The following RPL28 variants were observed in gnomAD, a reference collection of about 807,000 sequenced individuals.
RPL28 encodes ribosomal protein L28, also known as large ribosomal subunit protein eL28.
RPL28 carries 4 observed loss-of-function variants against 12.5 expected under a neutral mutation model. That is an observed-to-expected ratio of 0.32 (90% CI 0.16 to 0.73). RPL28 has a LOEUF of 0.73. Ranked by LOEUF, RPL28 falls within the 30% of genes least tolerant of loss-of-function variation. The probability of loss-of-function intolerance (pLI) is 0.66; values close to 1 mark genes in which losing one functional copy is unlikely to be tolerated. For synonymous variants in RPL28, 91 were observed against 72.5 expected (o/e 1.26, Z -1.30); for missense variants, 214 against 197.7 (o/e 1.08, Z -0.49).
downstream of RPL28, chr19:55,392,125 C>T: frequency 1.0e-6 from 1 of 989,022 alleles, no homozygotes; most frequent in Non-Finnish European, 1.2e-6. Context: ...TGAAAAACTG[C>T]AAATGAAAGA....
chr19:55,387,653 T>C, intron 3 of RPL28: 1 of 1,388,916 alleles, frequency 7.2e-7, no homozygotes. Context: ...AGATCCTAAC[T>C]GAAGCGGCAG....
In RPL28 at chr19:55,391,828, G is replaced by T; in HGVS notation, c.*3496G>T. The T allele has an allele frequency of 1.4e-6, 2 of 1,401,630 alleles. No homozygotes were observed. The highest frequency in any genetic ancestry group is 3.3e-5 in the South Asian group (2 of 61,400). The allele number at this position is 1,401,630 out of a possible 1,614,324, so 86.8% of individuals were successfully genotyped here. On this transcript the variant is annotated 3_prime_UTR_variant, in exon 5 of 5. Coordinates refer to ENST00000344063, the MANE Select transcript of RPL28 (RefSeq NM_000991.5). ...GTCTTCACATGCCTATGACTAATTT[G>T]TACACAAACTAATGCTCGTGTTTCC...
At chr19:55,386,965 A>G in intron 3 of RPL28, 1 of 1,446,724 alleles carries the variant, frequency 6.9e-7, no homozygotes, top group Non-Finnish European at 9.1e-7. Context: ...CACGGGGTTG[A>G]TGTTTTCAGA....
chr19:55,389,191 A>G lies in RPL28; in HGVS notation c.*859A>G, dbSNP rs768828890. The G allele has an allele frequency of 2.3e-4, 225 of 966,538 alleles. 1 individual carries two copies. Among genetic ancestry groups the G allele is most frequent in the Middle Eastern group, 1.1e-3 (2 of 1,880 alleles). The allele number at this position is 966,538 out of a possible 1,614,324, so 59.9% of individuals were successfully genotyped here. A position where few individuals can be genotyped will look rare whatever the true frequency, so the allele number is the denominator to read the frequency against. On this transcript the variant is annotated 3_prime_UTR_variant, in exon 5 of 5. Transcript: ENST00000344063. ...GGCAACATAATGAGACACCGTCTCT[A>G]AAATAAAATTAGCTGGGTGTGGTGG...
intron 3 of RPL28, 116 bp downstream of exon 3, chr19:55,386,809 G>A (rs1196597421): frequency 6.2e-7 from 1 of 1,601,688 alleles, no homozygotes; most frequent in East Asian, 2.3e-5. Flanking sequence ...CATCCCTGGC[G>A]CCAGGGTGTT....
rs768873697 is a variant in RPL28 at position 55,388,283 on chromosome 19, A to C, written c.365A>C (p.Lys122Thr). ...RRASAILRSQ[K>T]PVMVKRKRTR... is the part of the protein sequence containing the mutation. ...GCCAGCGCCATCCTGCGCAGCCAGA[A>C]GCCTGTGATGGTGAAGAGGAAGCGG... Residue 122 changes from lysine (K) to threonine (T), a missense_variant, in exon 5 of 5, where the codon AAG becomes ACG. Physicochemically the swap from Lys to Thr is moderately conservative, Grantham distance 78. Transcript: ENST00000344063. The C allele has an allele frequency of 6.3e-7, 1 of 1,585,296 alleles. No homozygotes were observed. Among genetic ancestry groups the C allele is most frequent in the Non-Finnish European group, 8.6e-7 (1 of 1,166,272 alleles).
chr19:55,393,145 G>T (rs796871312), downstream of RPL28, among the ~76,000 whole-genome samples: 1 of 84,422 alleles, frequency 1.2e-5, no homozygotes, highest in African/African-American at 3.4e-5. Flanking sequence ...TCCCACACCC[G>T]CCCGCTCCCC....
At chr19:55,393,256 C>G (rs867010721), downstream of RPL28, among the ~76,000 whole-genome samples, 4,522 of 118,086 alleles carry the variant, frequency 0.038, 454 homozygotes, top group African/African-American at 0.13. Flanking sequence ...CCCCCCCCCC[C>G]CCCGACCCCC....
At chr19:55,399,551 C>T (rs1021175141) in intron 4 of RPL28, among the ~76,000 whole-genome samples, 4 of 152,162 alleles carry the variant, frequency 2.6e-5, no homozygotes, top group African/African-American at 9.7e-5. Context: ...AACCTTCAGC[C>T]CCTCTCTTCC....
chr19:55,386,454 A>T lies in RPL28; in HGVS notation c.81+16A>T, dbSNP rs1000355646. 8.1e-6 allele frequency: 13 copies of T among 1,613,228 alleles called. No individual in the cohort carries two copies. The highest frequency in any genetic ancestry group is 1.1e-5 in the Non-Finnish European group (13 of 1,179,264). ...CTACAGCACTGTAAGTGGGGCCCGGATGCGTGGCTCCTGCGGGAGGAGGGT... is the reference window on the plus strand; with the variant it reads ...CTACAGCACTGTAAGTGGGGCCCGGTTGCGTGGCTCCTGCGGGAGGAGGGT... On this transcript the variant is annotated intron_variant, in intron 2 of 4. Transcript: ENST00000344063.
Position 55,391,820 on chromosome 19 carries a change from A to C in RPL28, c.*3488A>C. The C allele has an allele frequency of 1.4e-6, 2 of 1,409,428 alleles. No individual in the cohort carries two copies. Among genetic ancestry groups the C allele is most frequent in the East Asian group, 2.6e-5 (1 of 37,756 alleles). The allele number at this position is 1,409,428 out of a possible 1,614,324, so 87.3% of individuals were successfully genotyped here. On this transcript the variant is annotated 3_prime_UTR_variant, in exon 5 of 5. Transcript: ENST00000344063. ...TCACAGATGTCTTCACATGCCTATG[A>C]CTAATTTGTACACAAACTAATGCTC... is the stretch of plus-strand genomic sequence containing the variant.
At position 55,388,382 on chromosome 19, in the gene RPL28, G is replaced by A. The variant is rs192453603; in HGVS notation, c.*50G>A. ...GTCAGCTGGCTTTCTCACCTGCCTC[G>A]ACTGGGCCTCCCTTTTTGAAACGCT... On this transcript the variant is annotated 3_prime_UTR_variant, in exon 5 of 5. Transcript: ENST00000344063. 25 of 1,432,508 alleles carry A rather than the reference G, an allele frequency of 1.7e-5. No homozygotes were observed. The highest frequency in any genetic ancestry group is 8.0e-5 in the East Asian group (3 of 37,500). 88.7% of individuals were successfully genotyped at this position (1,432,508 alleles called of 1,614,324 possible).
Position 55,391,750 on chromosome 19 carries a change from AAATT to A in RPL28, c.*3422_*3425del, listed in dbSNP as rs772070829. ...GCCCACAAATCCTGATTGTAGGAAT[AAATT>A]AATGACTTTTTATAAATATTTTGAT... On this transcript the variant is annotated 3_prime_UTR_variant, in exon 5 of 5. Coordinates refer to ENST00000344063, the MANE Select transcript of RPL28 (RefSeq NM_000991.5). 34 of 1,500,332 alleles carry A rather than the reference AAATT, an allele frequency of 2.3e-5. No individual in the cohort carries two copies. The highest frequency in any genetic ancestry group is 2.9e-5 in the Non-Finnish European group (32 of 1,111,652). The allele number at this position is 1,500,332 out of a possible 1,614,324, so 92.9% of individuals were successfully genotyped here.
chr19:55,392,305 C>T (rs1013427435), downstream of RPL28, among the ~76,000 whole-genome samples: 2 of 151,090 alleles, frequency 1.3e-5, no homozygotes, highest in Non-Finnish European at 3.0e-5. Context: ...AATCACGGCT[C>T]ACTGCAGCCT....
Position 55,400,163 on chromosome 19 carries a change from G to A in RPL28, c.325-2780G>A, listed in dbSNP as rs2090046546. ...CTTTGAGTTTTCCACTCTCCTATGG[G>A]TCAGAACTTGTAGATTTTTATTGTA... On this transcript the variant is annotated intron_variant, in intron 4 of 4. Coordinates refer to the RPL28 transcript ENST00000560055. The A allele has an allele frequency of 2.0e-5, 3 of 152,112 alleles. No homozygotes were observed. The South Asian group carries it at 6.2e-4, about 32-fold the overall frequency. The allele number at this position is 152,112 out of a possible 1,614,324, so 9.4% of individuals were successfully genotyped here.
intron 4 of RPL28, among the ~76,000 whole-genome samples, chr19:55,398,223 T>G (rs180705265): frequency 6.6e-6 from 1 of 151,996 alleles, no homozygotes; most frequent in Non-Finnish European, 1.5e-5. Context: ...GAAATGGGAA[T>G]GTGAATTTCT....
chr19:55,401,385 G>A (rs10402826), intron 4 of RPL28: 1 of 1,230,866 alleles, frequency 8.1e-7, no homozygotes, highest in African/African-American at 1.5e-5. Context: ...CAGAGTTGGA[G>A]GGAGGGGACA....
At position 55,386,434 on chromosome 19, in the gene RPL28, G is replaced by A. The variant is rs912159691; in HGVS notation, c.77G>A (p.Ser26Asn). 1 of 1,614,090 alleles carries A rather than the reference G, an allele frequency of 6.2e-7. No homozygotes were observed. The highest frequency in any genetic ancestry group is 8.5e-7 in the Non-Finnish European group (1 of 1,179,962). The part of the protein sequence containing the change: ...FLIKRNKQTY[S>N]TEPNNLKARN... ...ATCAAGAGGAATAAGCAGACCTACA[G>A]CACTGTAAGTGGGGCCCGGATGCGT... is the stretch of plus-strand genomic sequence containing the variant. The change falls in exon 2 of 5, where the codon AGC (serine) becomes AAC (asparagine). Residue 26 changes from serine (S) to asparagine (N), a missense_variant. Ser to Asn is a conservative substitution (Grantham distance 46). Transcript: ENST00000344063.
downstream of RPL28, among the ~76,000 whole-genome samples, chr19:55,395,308 G>C (rs899744695): frequency 6.0e-5 from 9 of 150,982 alleles, no homozygotes; most frequent in Admixed American, 1.3e-4. Flanking sequence ...AGCTAATTTT[G>C]TATTTTAAGT....
Sources: gnomAD v4.1 joint callset for allele counts (sites outside exome capture counted in the v4.1 genomes callset) on GRCh38, gnomAD v4.1.1 for gene constraint, MANE v1.5 for transcripts, NCBI Gene and HGNC (gene_info 2026-07-23, HGNC 2026-07-21) for gene names.